ITK: variants seen among roughly 807,000 people sequenced by gnomAD.
ITK encodes IL2 inducible T cell kinase, also known as tyrosine-protein kinase ITK/TSK.
In ITK, 45 loss-of-function variants were observed where a neutral mutation model predicts 87.6. That is an observed-to-expected ratio of 0.51 (90% confidence interval 0.40 to 0.66). The LOEUF (loss-of-function observed/expected upper bound fraction) is 0.66, where lower values mean the gene tolerates loss of function less well. Among genes scored for constraint, ITK ranks in the 30% least tolerant of loss-of-function variants. ITK has a pLI of 0.00. For missense variants in ITK, 605 were observed against 766.3 expected (o/e 0.79, Z 2.48); for synonymous variants, 303 against 273.6 (o/e 1.11, Z -1.06).
At chr5:157,207,223 C>T (rs1754096908) in intron 1 of ITK, among the ~76,000 whole-genome samples, 1 of 151,956 alleles carries the variant, frequency 6.6e-6, no homozygotes, top group African/African-American at 2.4e-5. Context: ...AGTATTTGTT[C>T]TCTTAGGGTC....
chr5:157,219,360 A>G (rs1481742500), intron 5 of ITK, among the ~76,000 whole-genome samples: 1 of 151,928 alleles, frequency 6.6e-6, no homozygotes, highest in Non-Finnish European at 1.5e-5. Flanking sequence ...CGATCAACCC[A>G]CTTCAACCTC....
chr5:157,208,768 G>T, intron 1 of ITK, 121 bp from the exon 2 acceptor site: 2 of 738,624 alleles, frequency 2.7e-6, no homozygotes, highest in Non-Finnish European at 4.8e-6. Context: ...TATTTGGTTT[G>T]GAGGGTTGGA....
chr5:157,206,556 A>G (rs1350816957), intron 1 of ITK, among the ~76,000 whole-genome samples: 9 of 152,000 alleles, frequency 5.9e-5, no homozygotes, highest in Admixed American at 3.9e-4. Context: ...TACTGATTCA[A>G]TTTGGGAGTT....
At chr5:157,186,662 G>C (rs1432777162) in intron 1 of ITK, among the ~76,000 whole-genome samples, 1 of 146,956 alleles carries the variant, frequency 6.8e-6, no homozygotes, top group African/African-American at 2.5e-5. Context: ...GGCAACAAGA[G>C]TGAAACTCCG....
chr5:157,201,300 C>CTTT (rs34626223), intron 1 of ITK, among the ~76,000 whole-genome samples: 29,932 of 128,408 alleles, frequency 0.23, 4,269 homozygotes, highest in Middle Eastern at 0.29. Flanking sequence ...TAAATTTCCA[C>CTTT]TTTTTTTTTT....
In ITK at chr5:157,214,299, A is replaced by G. The variant is rs372432770; in HGVS notation, c.434A>G (p.Gln145Arg). 1.5e-5 allele frequency: 24 copies of G among 1,613,392 alleles called. No homozygotes were observed. In the East Asian group the frequency reaches 1.8e-4, roughly 12 times the overall value. Residue 145 changes from glutamine to arginine, a missense_variant, in exon 4 of 17, where the codon CAA becomes CGA. Gln to Arg is a conservative substitution (Grantham distance 43). Coordinates refer to ENST00000422843, the MANE Select transcript of ITK (RefSeq NM_005546.4). ...QLEKLATGCA[Q>R]YDPTKNASKK... is the part of the protein sequence containing the mutation. ...GAGAAGCTTGCAACAGGCTGTGCCC[A>G]ATATGATCCAACCAAGAATGGTAAG...
At position 157,229,329 on chromosome 5, in the gene ITK, G is replaced by A. The variant is rs374185171; in HGVS notation, c.713+968G>A. On this transcript the variant is annotated intron_variant, in intron 7 of 16. Transcript: ENST00000422843. ...AATCACTTGTAATTACAAAGTGGAG[G>A]TAACTAGCAGGCCCGTCTGAAACAG... 2.4e-4 allele frequency among the ~76,000 whole-genome samples: 37 copies of A among 152,250 alleles called. No homozygotes were observed. In the East Asian group the frequency reaches 4.1e-3, roughly 17 times the overall value.
chr5:157,205,048 A>T lies in ITK; in HGVS notation c.139-3841A>T, dbSNP rs1754052537. ...ATGGGTCCCTGGATATCAACCAAGC[A>T]CGCTCATATATCACAAATCTCTTGC... On this transcript the variant is annotated intron_variant, in intron 1 of 16. Transcript: ENST00000422843. 2.0e-5 allele frequency among the ~76,000 whole-genome samples: 3 copies of T among 152,208 alleles called. No individual in the cohort carries two copies. In the South Asian group the frequency reaches 6.2e-4, roughly 31 times the overall value.
intron 1 of ITK, chr5:157,199,201 G>C (rs1198119201): frequency 6.6e-6 from 1 of 152,208 alleles, no homozygotes; most frequent in East Asian, 1.9e-4. Flanking sequence ...AGCTGATAAG[G>C]AATGAGGTTA....
At chr5:157,235,547 A>G (rs1209127663) in intron 8 of ITK, among the ~76,000 whole-genome samples, 2 of 152,122 alleles carry the variant, frequency 1.3e-5, no homozygotes, top group Non-Finnish European at 2.9e-5. Context: ...ATTCCTTGCA[A>G]GTGGGTAACT....
At chr5:157,206,826 A>G (rs1033878976) in intron 1 of ITK, among the ~76,000 whole-genome samples, 9 of 152,022 alleles carry the variant, frequency 5.9e-5, no homozygotes, top group African/African-American at 1.2e-4. Flanking sequence ...AATTTTTTCA[A>G]AAAACCAACC....
At position 157,248,522 on chromosome 5, in the gene ITK, C is replaced by T. The variant is rs1259204036; in HGVS notation, c.1634-328C>T. Among the ~76,000 whole-genome samples, 7 of 152,154 alleles carry T rather than the reference C, an allele frequency of 4.6e-5. 1 individual carries two copies. The highest frequency in any genetic ancestry group is 3.2e-3 in the Middle Eastern group (1 of 316). On this transcript the variant is annotated intron_variant, in intron 15 of 16. Transcript: ENST00000422843. ...ACTGTTTATCTCATTTTCCACAATC[C>T]TCCCCAATCCCAATAGTGTCACACC...
chr5:157,234,693 G>A (rs1428553213), intron 8 of ITK, among the ~76,000 whole-genome samples: 2 of 152,102 alleles, frequency 1.3e-5, no homozygotes, highest in African/African-American at 4.8e-5. Context: ...AACACTGCAT[G>A]TTCTCACTCA....
chr5:157,252,684 A>G lies in ITK; in HGVS notation c.*6A>G. The G allele has an allele frequency of 6.2e-7, 1 of 1,604,664 alleles. No individual in the cohort carries two copies. Among genetic ancestry groups the G allele is most frequent in the South Asian group, 1.1e-5 (1 of 90,906 alleles). ...TTGCAGAATCAGGACTTTAGTAGAG[A>G]CTGAGTACCAGGCCACGGGCTGCAG... On this transcript the variant is annotated 3_prime_UTR_variant, in exon 17 of 17. Coordinates refer to ENST00000422843, the MANE Select transcript of ITK (RefSeq NM_005546.4).
chr5:157,237,903 G>A (rs1410684742), intron 8 of ITK, among the ~76,000 whole-genome samples: 1 of 152,250 alleles, frequency 6.6e-6, no homozygotes, highest in African/African-American at 2.4e-5. Context: ...ATGTCAGCAT[G>A]AGAACAGTCT....
intron 10 of ITK, chr5:157,240,555 G>A: frequency 2.9e-6 from 1 of 340,444 alleles, no homozygotes; most frequent in Non-Finnish European, 5.6e-6. Flanking sequence ...TTGCTATCAA[G>A]GAATACCTGA....
intron 1 of ITK, among the ~76,000 whole-genome samples, chr5:157,182,962 A>G (rs1753567254): frequency 1.3e-5 from 2 of 152,174 alleles, no homozygotes; most frequent in African/African-American, 4.8e-5. Context: ...TTATCTGAGC[A>G]TTATGGAAAA....
At chr5:157,212,782 G>A (rs1754216206) in intron 3 of ITK, among the ~76,000 whole-genome samples, 1 of 151,936 alleles carries the variant, frequency 6.6e-6, no homozygotes, top group Non-Finnish European at 1.5e-5. Context: ...AGCCTGGGAG[G>A]TCAAGGCTGC....
In ITK at chr5:157,214,922, G is replaced by T. The variant is rs79427029; in HGVS notation, c.454+603G>T. On this transcript the variant is annotated intron_variant, in intron 4 of 16. Coordinates refer to ENST00000422843, the MANE Select transcript of ITK (RefSeq NM_005546.4). ...CAGTCTCAGAGAGGAGAAGGCCGCA[G>T]TCTAAATGCAAAGTGAAAACAAAAA... is the stretch of plus-strand genomic sequence containing the variant. Among the ~76,000 whole-genome samples the T allele has an allele frequency of 3.3e-5, 5 of 152,236 alleles. 1 individual carries two copies. The highest frequency in any genetic ancestry group is 1.2e-4 in the African/African-American group (5 of 41,538).
Sources: allele counts gnomAD v4.1 joint callset (sites outside exome capture counted in the v4.1 genomes callset), GRCh38; gene constraint gnomAD v4.1.1; transcripts MANE v1.5; gene names NCBI Gene and HGNC (gene_info 2026-07-23, HGNC 2026-07-21).